The following ABTB3 variants were observed in gnomAD, a reference collection of about 807,000 sequenced individuals.
The protein encoded by ABTB3 is ankyrin repeat and BTB domain containing 3, also known as ankyrin repeat- and BTB/POZ domain-containing protein 3.
At chr12:107,534,907 A>G in the ABTB3 span, among the ~76,000 whole-genome samples, 1 of 152,206 alleles carries the variant, frequency 6.6e-6, no homozygotes, top group Non-Finnish European at 1.5e-5. Flanking sequence ...TTCCAAAAAA[A>G]CTTGAAGAGA....
At chr12:107,654,853 C>CACACACACAT in the ABTB3 span, among the ~76,000 whole-genome samples, 1 of 149,718 alleles carries the variant, frequency 6.7e-6, no homozygotes, top group Non-Finnish European at 1.5e-5. Context: ...CACACACACA[C>CACACACACAT]ACACACAGTG....
chr12:107,648,171 A>G, the ABTB3 span, among the ~76,000 whole-genome samples: 1 of 152,122 alleles, frequency 6.6e-6, no homozygotes. Context: ...GCCTGAGCTC[A>G]GTAGTTCAAG....
the ABTB3 span, among the ~76,000 whole-genome samples, chr12:107,534,663 CTA>C: frequency 1.3e-5 from 2 of 152,138 alleles, no homozygotes; most frequent in East Asian, 3.8e-4. Flanking sequence ...TTATGAATAA[CTA>C]TACACCAACA....
the ABTB3 span, among the ~76,000 whole-genome samples, chr12:107,356,210 G>A: frequency 6.6e-6 from 1 of 152,184 alleles, no homozygotes; most frequent in East Asian, 1.9e-4. Context: ...GTTCGTCATA[G>A]GTAGGCTGTG....
the ABTB3 span, among the ~76,000 whole-genome samples, chr12:107,551,160 G>C: frequency 6.6e-6 from 1 of 152,178 alleles, no homozygotes; most frequent in Non-Finnish European, 1.5e-5. Flanking sequence ...CTTCCTGAGG[G>C]AGCAATCACA....
chr12:107,581,322 C>T, the ABTB3 span: 7 of 1,289,142 alleles, frequency 5.4e-6, no homozygotes, highest in African/African-American at 7.9e-5. Flanking sequence ...CGGGGGCGGG[C>T]GGGGGGCGGC....
the ABTB3 span, among the ~76,000 whole-genome samples, chr12:107,593,668 G>C: frequency 6.6e-6 from 1 of 152,222 alleles, no homozygotes; most frequent in Non-Finnish European, 1.5e-5. Context: ...CAAAATACAT[G>C]TGGCTTGGAT....
the ABTB3 span, among the ~76,000 whole-genome samples, chr12:107,441,038 GC>G: frequency 6.6e-6 from 1 of 152,146 alleles, no homozygotes; most frequent in African/African-American, 2.4e-5. Flanking sequence ...TAGTTGAAAT[GC>G]CCGAGCCTGG....
chr12:107,614,127 T>G, the ABTB3 span, among the ~76,000 whole-genome samples: 3 of 152,114 alleles, frequency 2.0e-5, no homozygotes, highest in Non-Finnish European at 4.4e-5. Flanking sequence ...CAAACTGCTC[T>G]GAGTGAAGCA....
At chr12:107,408,324 C>T in the ABTB3 span, among the ~76,000 whole-genome samples, 1 of 152,218 alleles carries the variant, frequency 6.6e-6, no homozygotes, top group Non-Finnish European at 1.5e-5. Context: ...CTGTGGGCTG[C>T]TGTCCCATCC....
chr12:107,500,913 T>A, the ABTB3 span, among the ~76,000 whole-genome samples: 1 of 152,218 alleles, frequency 6.6e-6, no homozygotes, highest in Non-Finnish European at 1.5e-5. Flanking sequence ...CTTTTTAACA[T>A]GCCTTATGAG....
the ABTB3 span, among the ~76,000 whole-genome samples, chr12:107,394,788 C>T: frequency 5.3e-5 from 8 of 152,084 alleles, no homozygotes; most frequent in Non-Finnish European, 1.2e-4. Context: ...TGTTTTCCTC[C>T]TCCTCATCAT....
chr12:107,580,238 A>G, the ABTB3 span, among the ~76,000 whole-genome samples: 4 of 152,206 alleles, frequency 2.6e-5, no homozygotes, highest in African/African-American at 4.8e-5. Context: ...ACCCTATACC[A>G]ATTAAATCAG....
chr12:107,483,617 T>C, the ABTB3 span, among the ~76,000 whole-genome samples: 5 of 152,226 alleles, frequency 3.3e-5, no homozygotes, highest in South Asian at 2.1e-4. Flanking sequence ...GTTGATCTGA[T>C]TCCCAAATGC....
At chr12:107,518,655 T>C in the ABTB3 span, among the ~76,000 whole-genome samples, 1 of 151,530 alleles carries the variant, frequency 6.6e-6, no homozygotes, top group Non-Finnish European at 1.5e-5. Context: ...CTAATGTAAA[T>C]GACGAGTTAA....
At chr12:107,332,111 G>A in the ABTB3 span, among the ~76,000 whole-genome samples, 1 of 152,364 alleles carries the variant, frequency 6.6e-6, no homozygotes, top group South Asian at 2.1e-4. Flanking sequence ...CAGTGCATGG[G>A]AAGGCGTCAC....
At chr12:107,503,772 A>AAAAAAAAAG in the ABTB3 span, among the ~76,000 whole-genome samples, 1 of 148,118 alleles carries the variant, frequency 6.8e-6, no homozygotes, top group African/African-American at 2.5e-5. Flanking sequence ...AAAAAAAAAA[A>AAAAAAAAAG]AAGAAGAAGA....
At chr12:107,433,295 TC>T in the ABTB3 span, among the ~76,000 whole-genome samples, 1 of 25,616 alleles carries the variant, frequency 3.9e-5, no homozygotes, top group African/African-American at 1.7e-4. Flanking sequence ...AGACTCCGTC[TC>T]AAAAAAAAAA....
At chr12:107,469,008 G>A in the ABTB3 span, among the ~76,000 whole-genome samples, 4 of 152,234 alleles carry the variant, frequency 2.6e-5, no homozygotes, top group Non-Finnish European at 5.9e-5. Context: ...TCCCACACCC[G>A]CAAAAGTAGG....
Sources: allele counts gnomAD v4.1 joint callset (sites outside exome capture counted in the v4.1 genomes callset), GRCh38; gene constraint gnomAD v4.1.1; transcripts MANE v1.5; gene names NCBI Gene and HGNC (gene_info 2026-07-23, HGNC 2026-07-21).